DLG2: variants seen among roughly 807,000 people sequenced by gnomAD.
The protein encoded by DLG2 is discs large MAGUK scaffold protein 2, also known as disks large homolog 2.
Under a neutral mutation model 132.5 loss-of-function variants are expected in DLG2, and 45 were observed. That is an observed-to-expected ratio of 0.34 (90% CI 0.27 to 0.44). The LOEUF is 0.44. DLG2 is among the 20% of genes least tolerant of loss of function. The pLI is 1.00. For missense variants in DLG2, 1,045 were observed against 1,196.9 expected, an observed-to-expected ratio of 0.87 and a Z score of 1.87; for synonymous variants, 424 against 419.6, an observed-to-expected ratio of 1.01 and a Z score of -0.13.
At chr11:83,512,696 C>T (rs911785655) in intron 21 of DLG2, among the ~76,000 whole-genome samples, 1 of 151,826 alleles carries the variant, frequency 6.6e-6, no homozygotes, top group East Asian at 1.9e-4. Flanking sequence ...CCCCACCCCA[C>T]AACAGGCCCT....
chr11:85,501,107 T>C (rs992955011), intron 3 of DLG2, among the ~76,000 whole-genome samples: 1 of 151,886 alleles, frequency 6.6e-6, no homozygotes, highest in Non-Finnish European at 1.5e-5. Context: ...GCCTCAGAAA[T>C]AACAACACAC....
intron 6 of DLG2, among the ~76,000 whole-genome samples, chr11:84,551,341 T>C (rs1032520119): frequency 6.6e-6 from 1 of 152,200 alleles, no homozygotes; most frequent in Non-Finnish European, 1.5e-5. Context: ...TGCAACTTAA[T>C]GTGCAATTGT....
At chr11:85,145,834 G>A (rs1566932414) in intron 5 of DLG2, among the ~76,000 whole-genome samples, 2 of 151,826 alleles carry the variant, frequency 1.3e-5, no homozygotes, top group Non-Finnish European at 2.9e-5. Context: ...TTTGTCACTG[G>A]TGACTTATTT....
chr11:85,346,289 G>A (rs933532883), intron 3 of DLG2, among the ~76,000 whole-genome samples: 9 of 151,488 alleles, frequency 5.9e-5, no homozygotes, highest in East Asian at 1.9e-4. Flanking sequence ...CTGGGTTCAC[G>A]CCATTCTCCT....
intron 6 of DLG2, among the ~76,000 whole-genome samples, chr11:84,621,587 T>C (rs1193848624): frequency 2.0e-5 from 3 of 152,180 alleles, no homozygotes; most frequent in African/African-American, 4.8e-5. Context: ...AGAAACTTGC[T>C]AAGAGGTCAC....
At chr11:83,617,507 T>C (rs1023616957) in intron 19 of DLG2, among the ~76,000 whole-genome samples, 1 of 152,244 alleles carries the variant, frequency 6.6e-6, no homozygotes, top group African/African-American at 2.4e-5. Flanking sequence ...AAAGTTACTT[T>C]TTAATTATAG....
intron 6 of DLG2, among the ~76,000 whole-genome samples, chr11:84,708,006 C>T (rs922563693): frequency 1.1e-4 from 16 of 151,846 alleles, no homozygotes; most frequent in African/African-American, 3.1e-4. Flanking sequence ...CCAAGTGCCA[C>T]GACTTTGGGC....
At chr11:84,473,136 C>G (rs1360099690) in intron 7 of DLG2, among the ~76,000 whole-genome samples, 1 of 151,850 alleles carries the variant, frequency 6.6e-6, no homozygotes, top group Non-Finnish European at 1.5e-5. Flanking sequence ...TTGGTAGTAC[C>G]AAAGCTTTAA....
At chr11:84,815,520 G>A (rs532582941) in intron 6 of DLG2, among the ~76,000 whole-genome samples, 96 of 152,074 alleles carry the variant, frequency 6.3e-4, no homozygotes, top group African/African-American at 2.2e-3. Flanking sequence ...TAAGCAGTAG[G>A]TAAATCAATA....
intron 18 of DLG2, among the ~76,000 whole-genome samples, chr11:83,668,715 GTGTATA>G (rs2076206266): frequency 1.0e-5 from 1 of 98,820 alleles, no homozygotes; most frequent in East Asian, 3.0e-4. Context: ...ACATATATAT[GTGTATA>G]TAAACACATA....
Position 84,785,846 on chromosome 11 carries a change from A to T in DLG2, c.358-251115T>A, listed in dbSNP as rs146555816. ...TAGGCTTTCGAGTCCTTTTATGATG[A>T]CACTCCATATCTTGGTGGATAGGTT... On this transcript the variant is annotated intron_variant, in intron 6 of 27. Coordinates refer to ENST00000376104, the MANE Select transcript of DLG2 (RefSeq NM_001142699.3). Among the ~76,000 whole-genome samples, 294 of 152,036 alleles carry T rather than the reference A, an allele frequency of 1.9e-3. 3 individuals carry two copies. Among genetic ancestry groups the T allele is most frequent in the African/African-American group, 6.7e-3 (279 of 41,504 alleles).
At chr11:85,286,435 A>G (rs761183878) in intron 3 of DLG2, among the ~76,000 whole-genome samples, 7 of 152,248 alleles carry the variant, frequency 4.6e-5, no homozygotes, top group Non-Finnish European at 8.8e-5. Flanking sequence ...AGTTATACAC[A>G]CATATATTTC....
At chr11:84,515,315 A>ACACACC (rs1554986311) in intron 7 of DLG2, among the ~76,000 whole-genome samples, 11 of 131,498 alleles carry the variant, frequency 8.4e-5, no homozygotes, top group African/African-American at 3.0e-4. Context: ...ACACACACAC[A>ACACACC]CCCCAAATAT....
At chr11:83,973,825 A>T (rs995593595) in intron 12 of DLG2, among the ~76,000 whole-genome samples, 4 of 152,096 alleles carry the variant, frequency 2.6e-5, no homozygotes. Flanking sequence ...TCAAATGTGT[A>T]ACCAAAATCA....
chr11:84,589,416 G>A (rs2099537579), intron 6 of DLG2, among the ~76,000 whole-genome samples: 1 of 152,076 alleles, frequency 6.6e-6, no homozygotes, highest in Non-Finnish European at 1.5e-5. Context: ...GTAAGGTATT[G>A]ATCAGTCAGT....
intron 7 of DLG2, among the ~76,000 whole-genome samples, chr11:84,500,038 A>G (rs2154502830): frequency 6.6e-6 from 1 of 152,310 alleles, no homozygotes; most frequent in African/African-American, 2.4e-5. Flanking sequence ...GATGAAAAAA[A>G]TAGACAAGAT....
chr11:85,142,145 A>T (rs1053477740), intron 5 of DLG2, among the ~76,000 whole-genome samples: 2 of 151,358 alleles, frequency 1.3e-5, no homozygotes, highest in Non-Finnish European at 3.0e-5. Flanking sequence ...GATTGCTTTC[A>T]GCAGTATGAA....
Position 83,503,808 on chromosome 11 carries a change from A to C in DLG2, c.2194-19580T>G, listed in dbSNP as rs114973842. Among the ~76,000 whole-genome samples, 1,383 of 152,212 alleles carry C rather than the reference A, an allele frequency of 9.1e-3. 19 individuals carry two copies. The highest frequency in any genetic ancestry group is 0.031 in the African/African-American group (1,268 of 41,532). ...GATACATCTAGGATCAATAGTTTGC[A>C]TCCTTCCACCCAATCAAGTTGACAC... On this transcript the variant is annotated intron_variant, in intron 21 of 27. Coordinates refer to ENST00000376104, the MANE Select transcript of DLG2 (RefSeq NM_001142699.3).
chr11:84,975,222 T>C (rs2054718510), intron 6 of DLG2, among the ~76,000 whole-genome samples: 1 of 152,216 alleles, frequency 6.6e-6, no homozygotes, highest in Non-Finnish European at 1.5e-5. Flanking sequence ...CCTTCTTCTT[T>C]ACTAAGAGAA....
Sources: gnomAD v4.1 joint callset for allele counts (sites outside exome capture counted in the v4.1 genomes callset) on GRCh38, gnomAD v4.1.1 for gene constraint, MANE v1.5 for transcripts, NCBI Gene and HGNC (gene_info 2026-07-23, HGNC 2026-07-21) for gene names.